Variants in THSD7B observed in about 807,000 individuals in gnomAD.
The protein encoded by THSD7B is thrombospondin type-1 domain-containing protein 7B.
A neutral mutation model predicts 213.6 loss-of-function variants in THSD7B; 138 were observed. The observed-to-expected ratio is 0.65, with a 90% CI of 0.56 to 0.74. The LOEUF (loss-of-function observed/expected upper bound fraction) is 0.74, where lower values mean the gene tolerates loss of function less well. THSD7B is among the 30% of genes least tolerant of loss of function. The pLI is 0.00. For synonymous variants in THSD7B, 742 were observed against 687.0 expected, an observed-to-expected ratio of 1.08 and a Z score of -1.25; for missense variants, 1,931 against 1,991.5, an observed-to-expected ratio of 0.97 and a Z score of 0.58.
At chr2:137,254,708 AG>A (rs1331989350) in intron 10 of THSD7B, among the ~76,000 whole-genome samples, 2 of 152,182 alleles carry the variant, frequency 1.3e-5, no homozygotes, top group African/African-American at 4.8e-5. Context: ...TTAACTTCAT[AG>A]GGCTTTCTTA....
intron 15 of THSD7B, among the ~76,000 whole-genome samples, chr2:137,506,385 A>G (rs2105144828): frequency 6.6e-6 from 1 of 152,314 alleles, no homozygotes; most frequent in East Asian, 1.9e-4. Context: ...CAGATTAGGC[A>G]TCTTCTTTCC....
At chr2:137,502,936 ACT>A (rs1679743913) in intron 15 of THSD7B, among the ~76,000 whole-genome samples, 2 of 152,078 alleles carry the variant, frequency 1.3e-5, no homozygotes, top group Admixed American at 1.3e-4. Flanking sequence ...AAGTCCATTC[ACT>A]CTGTAATTTT....
intron 14 of THSD7B, among the ~76,000 whole-genome samples, chr2:137,427,515 T>TG (rs1687085896): frequency 6.6e-6 from 1 of 151,664 alleles, no homozygotes; most frequent in African/African-American, 2.4e-5. Context: ...TTATTCAGTC[T>TG]GAAAAAAAAA....
At position 137,312,212 on chromosome 2, in the gene THSD7B, A is replaced by T. The variant is rs900289681; in HGVS notation, c.2500+36186A>T. The stretch of plus-strand genomic sequence containing the variant: ...TGTTATTGCCCTATTCAGAGATTCA[A>T]CTTCTTCCTGGTTTAGTCTTGGGAA... On this transcript the variant is annotated intron_variant, in intron 12 of 27. Transcript: ENST00000409968. Among the ~76,000 whole-genome samples the T allele has an allele frequency of 3.3e-5, 5 of 152,244 alleles. No individual in the cohort carries two copies. In the South Asian group the frequency reaches 6.2e-4, roughly 19 times the overall value.
At chr2:136,945,865 A>G (rs961047483) in intron 2 of THSD7B, among the ~76,000 whole-genome samples, 2 of 151,960 alleles carry the variant, frequency 1.3e-5, no homozygotes, top group Non-Finnish European at 2.9e-5. Context: ...CTAGTTAGCC[A>G]TTTGTCTAAT....
intron 12 of THSD7B, among the ~76,000 whole-genome samples, chr2:137,309,336 T>G (rs896601694): frequency 9.2e-5 from 14 of 151,898 alleles, no homozygotes; most frequent in African/African-American, 3.4e-4. Flanking sequence ...TGTCTTTCCC[T>G]GTAGTGTAAA....
intron 15 of THSD7B, among the ~76,000 whole-genome samples, chr2:137,543,911 T>A (rs1680652496): frequency 6.6e-6 from 1 of 151,604 alleles, no homozygotes; most frequent in South Asian, 2.1e-4. Context: ...GAAATATAAA[T>A]GAAAATAAAA....
chr2:137,026,622 C>G (rs1378701157), intron 2 of THSD7B, among the ~76,000 whole-genome samples: 1 of 152,076 alleles, frequency 6.6e-6, no homozygotes, highest in Non-Finnish European at 1.5e-5. Flanking sequence ...TCTTATGTAT[C>G]CTTCTTGAGT....
intron 6 of THSD7B, among the ~76,000 whole-genome samples, chr2:137,161,106 A>G (rs193081579): frequency 2.0e-5 from 3 of 152,158 alleles, no homozygotes; most frequent in East Asian, 3.9e-4. Context: ...TCTGATATTG[A>G]TCTTGGGCTT....
chr2:137,123,937 C>G (rs1312818046), intron 5 of THSD7B, among the ~76,000 whole-genome samples: 1 of 152,186 alleles, frequency 6.6e-6, no homozygotes, highest in Admixed American at 6.5e-5. Context: ...CATTGCCTGG[C>G]AAAAGGTAGA....
In THSD7B at chr2:137,405,769, A is replaced by G; in HGVS notation, c.2657A>G (p.Asn886Ser). 1 of 1,613,294 alleles carries G rather than the reference A, an allele frequency of 6.2e-7. No homozygotes were observed. Among genetic ancestry groups the G allele is most frequent in the Non-Finnish European group, 8.5e-7 (1 of 1,179,634 alleles). The change falls in exon 13 of 28, where the codon AAC (asparagine) becomes AGC (serine). Residue 886 changes from asparagine (N) to serine (S), a missense_variant. Coordinates refer to ENST00000409968, the MANE Select transcript of THSD7B (RefSeq NM_001316349.2). The part of the protein sequence containing the change: ...AWSKFTPCST[N>S]CEATKSRRRQ... ...TCCAAGTTTACGCCCTGCTCCACGA[A>G]CTGTGAAGCCACAAAAAGTAGGCGG... is the stretch of plus-strand genomic sequence containing the variant.
intron 7 of THSD7B, among the ~76,000 whole-genome samples, chr2:137,204,781 A>T (rs982272039): frequency 1.8e-4 from 28 of 151,830 alleles, no homozygotes; most frequent in African/African-American, 6.8e-4. Context: ...TATGATTTGC[A>T]GTATGTGTCA....
At chr2:137,379,075 C>A (rs1387305965) in intron 12 of THSD7B, among the ~76,000 whole-genome samples, 1 of 152,156 alleles carries the variant, frequency 6.6e-6, no homozygotes, top group Non-Finnish European at 1.5e-5. Flanking sequence ...CAGGGCTCAA[C>A]AAACGCCTTG....
At chr2:137,497,711 T>C (rs1006978045) in intron 15 of THSD7B, among the ~76,000 whole-genome samples, 1 of 152,116 alleles carries the variant, frequency 6.6e-6, no homozygotes, top group Non-Finnish European at 1.5e-5. Context: ...CTGACAGCAG[T>C]ATAACTTAAT....
intron 1 of THSD7B, among the ~76,000 whole-genome samples, chr2:136,854,432 G>A (rs978172069): frequency 2.0e-5 from 3 of 151,568 alleles, no homozygotes; most frequent in African/African-American, 7.3e-5. Context: ...CTTCATAAGT[G>A]GGCACATTTC....
chr2:136,970,324 C>A (rs566203535), intron 2 of THSD7B, among the ~76,000 whole-genome samples: 1 of 151,846 alleles, frequency 6.6e-6, no homozygotes, highest in African/African-American at 2.4e-5. Context: ...ATTAGCCAGG[C>A]CTGGTGGCAC....
intron 3 of THSD7B, among the ~76,000 whole-genome samples, chr2:137,086,095 C>T (rs577511149): frequency 6.6e-6 from 1 of 152,122 alleles, no homozygotes; most frequent in Admixed American, 6.6e-5. Flanking sequence ...GCCTGTAATC[C>T]CAGCACTTTG....
At chr2:136,894,003 G>T (rs1317982063) in intron 2 of THSD7B, among the ~76,000 whole-genome samples, 1 of 152,064 alleles carries the variant, frequency 6.6e-6, no homozygotes, top group Non-Finnish European at 1.5e-5. Context: ...ATCATGTAGA[G>T]AATCCATGAT....
chr2:137,546,125 T>C (rs1489686492), intron 15 of THSD7B, among the ~76,000 whole-genome samples: 1 of 150,048 alleles, frequency 6.7e-6, no homozygotes. Context: ...TCTAAATTCA[T>C]TGAGATTTTT....
Sources: allele counts gnomAD v4.1 joint callset (sites outside exome capture counted in the v4.1 genomes callset), GRCh38; gene constraint gnomAD v4.1.1; transcripts MANE v1.5; gene names NCBI Gene and HGNC (gene_info 2026-07-23, HGNC 2026-07-21).